IL1RAP: variants seen among roughly 807,000 people sequenced by gnomAD.
IL1RAP encodes interleukin 1 receptor accessory protein.
A neutral mutation model predicts 60.7 loss-of-function variants in IL1RAP; 35 were observed. The ratio of observed to expected loss-of-function variants is 0.58; its 90% CI spans 0.44 to 0.76. IL1RAP has a LOEUF of 0.76. Ranked by LOEUF, IL1RAP falls within the 30% of genes least tolerant of loss-of-function variation. The probability of loss-of-function intolerance (pLI) is 0.00; values close to 1 mark genes in which losing one functional copy is unlikely to be tolerated. For missense variants in IL1RAP, 572 were observed against 693.9 expected (o/e 0.82, Z 1.97); for synonymous variants, 268 against 250.9 (o/e 1.07, Z -0.64).
At chr3:190,631,305 G>T (rs527704863) in intron 9 of IL1RAP, among the ~76,000 whole-genome samples, 1 of 152,274 alleles carries the variant, frequency 6.6e-6, no homozygotes, top group South Asian at 2.1e-4. Flanking sequence ...TCAAAGCAAG[G>T]TGTAATGTAG....
In IL1RAP at chr3:190,623,387, T is replaced by C. The variant is rs762278305; in HGVS notation, c.747T>C (p.Asn249=). 28 of 1,613,300 alleles carry C rather than the reference T, an allele frequency of 1.7e-5. No homozygotes were observed. The highest frequency in any genetic ancestry group is 3.3e-4 in the Middle Eastern group (2 of 6,082). The change falls in exon 7 of 12, where the codon AAT becomes AAC. Residue 249 remains asparagine (N), a synonymous_variant. Transcript: ENST00000447382. ...NAVPPVIHSP[N]DHVVYEKEPG... ...TGCCCCCTGTGATCCATTCACCTAATGATCATGTGGTCTATGAGAAAGAAC... is the reference window on the plus strand; with the variant it reads ...TGCCCCCTGTGATCCATTCACCTAACGATCATGTGGTCTATGAGAAAGAAC...
At chr3:190,592,714 G>C (rs1729049626) in intron 3 of IL1RAP, among the ~76,000 whole-genome samples, 1 of 152,190 alleles carries the variant, frequency 6.6e-6, no homozygotes, top group Non-Finnish European at 1.5e-5. Flanking sequence ...GCTAGACTCT[G>C]AAAGACCCCA....
Position 190,604,246 on chromosome 3 carries a change from C to G in IL1RAP, c.183C>G (p.Ala61=). Residue 61 remains alanine (A), a synonymous_variant, in exon 4 of 12, where the codon GCC becomes GCG. Transcript: ENST00000447382. ...TCTTGAAATTCAACTACAGCACAGC[C>G]CATTCAGCTGGCCTTACTCTGATCT... ...EHFLKFNYST[A]HSAGLTLIWY... is the part of the protein sequence containing the mutation. 1 of 1,614,028 alleles carries G rather than the reference C, an allele frequency of 6.2e-7. No homozygotes were observed. The highest frequency in any genetic ancestry group is 8.5e-7 in the Non-Finnish European group (1 of 1,180,000).
At chr3:190,525,168 C>T (rs1027331268) in intron 1 of IL1RAP, among the ~76,000 whole-genome samples, 1 of 151,962 alleles carries the variant, frequency 6.6e-6, no homozygotes, top group African/African-American at 2.4e-5. Context: ...CAAGAGACAA[C>T]AGACAAACAG....
chr3:190,594,052 T>C (rs1439611386), intron 3 of IL1RAP, among the ~76,000 whole-genome samples: 1 of 152,246 alleles, frequency 6.6e-6, no homozygotes, highest in African/African-American at 2.4e-5. Flanking sequence ...AAAACCATTG[T>C]TATCAGTGAA....
chr3:190,556,588 C>T (rs1725448860), intron 2 of IL1RAP, among the ~76,000 whole-genome samples: 1 of 152,112 alleles, frequency 6.6e-6, no homozygotes, highest in Admixed American at 6.5e-5. Flanking sequence ...TCACAGTAAT[C>T]TTGGCTTTTC....
chr3:190,634,642 A>G (rs758533822), intron 9 of IL1RAP, among the ~76,000 whole-genome samples: 4 of 151,262 alleles, frequency 2.6e-5, no homozygotes, highest in East Asian at 1.9e-4. Flanking sequence ...GTGAAAGCCT[A>G]TGGGTAAAAC....
At chr3:190,570,909 A>G (rs556302559) in intron 3 of IL1RAP, among the ~76,000 whole-genome samples, 1 of 152,088 alleles carries the variant, frequency 6.6e-6, no homozygotes, top group Non-Finnish European at 1.5e-5. Context: ...TGATATGTGC[A>G]CCAAGATACT....
intron 3 of IL1RAP, among the ~76,000 whole-genome samples, chr3:190,569,783 CT>C (rs1726756381): frequency 6.6e-6 from 1 of 152,098 alleles, no homozygotes; most frequent in African/African-American, 2.4e-5. Flanking sequence ...TGACCTGGTT[CT>C]TTTTCACATG....
At chr3:190,571,610 A>G (rs1726932054) in intron 3 of IL1RAP, among the ~76,000 whole-genome samples, 2 of 152,244 alleles carry the variant, frequency 1.3e-5, no homozygotes, top group South Asian at 2.1e-4. Context: ...CATATGTAAA[A>G]TGACATTTCG....
At chr3:190,648,317 C>T (rs1734180909) in intron 11 of IL1RAP, 21 bp from the exon 12 acceptor site, 3 of 1,557,272 alleles carry the variant, frequency 1.9e-6, no homozygotes, top group Non-Finnish European at 2.6e-6. Context: ...CACTAATCCC[C>T]ATGGTTGTTT....
At chr3:190,570,796 C>T (rs564495042) in intron 3 of IL1RAP, among the ~76,000 whole-genome samples, 3 of 152,138 alleles carry the variant, frequency 2.0e-5, no homozygotes, top group South Asian at 2.1e-4. Context: ...GAACTCCTGA[C>T]CTCAGGTGAT....
intron 9 of IL1RAP, among the ~76,000 whole-genome samples, chr3:190,639,106 G>A (rs1312071965): frequency 2.0e-5 from 3 of 152,076 alleles, no homozygotes; most frequent in Non-Finnish European, 2.9e-5. Flanking sequence ...TGTCCTTTGT[G>A]TGTGTGTGTT....
chr3:190,550,072 G>A (rs73886473), intron 1 of IL1RAP, among the ~76,000 whole-genome samples: 1,661 of 152,194 alleles, frequency 0.011, 33 homozygotes, highest in African/African-American at 0.038. Context: ...GGCACGTGCC[G>A]CCCATGGTTG....
intron 1 of IL1RAP, among the ~76,000 whole-genome samples, chr3:190,542,931 C>T (rs1302556378): frequency 1.4e-5 from 2 of 146,478 alleles, no homozygotes; most frequent in Non-Finnish European, 1.5e-5. Context: ...GGGAGTTCAC[C>T]CTAGCCAAAA....
chr3:190,572,859 G>GTTTTTTTTTTT lies in IL1RAP; in HGVS notation c.64+8518_64+8528dup, dbSNP rs1200775636. ...TCAGCATGTCCAGGGTTAATGCTTT[G>GTTTTTTTTTTT]TTTTTTTTTTTTTTTTTTTTTTGAG... On this transcript the variant is annotated intron_variant, in intron 3 of 11. Coordinates refer to ENST00000447382, the MANE Select transcript of IL1RAP (RefSeq NM_002182.4). Among the ~76,000 whole-genome samples, 79 of 39,044 alleles carry GTTTTTTTTTTT rather than the reference G, an allele frequency of 2.0e-3. 19 individuals are homozygous for GTTTTTTTTTTT. The highest frequency in any genetic ancestry group is 5.9e-3 in the East Asian group (9 of 1,518). 25.6% of individuals were successfully genotyped at this position (39,044 alleles called of 152,430 possible).
chr3:190,619,926 C>A (rs1274128761), intron 5 of IL1RAP, among the ~76,000 whole-genome samples: 1 of 152,082 alleles, frequency 6.6e-6, no homozygotes, highest in Non-Finnish European at 1.5e-5. Flanking sequence ...TTCTAAATAG[C>A]AGGTCTTGCA....
downstream of IL1RAP, chr3:190,656,434 A>G: frequency 1.8e-5 from 27 of 1,537,202 alleles, no homozygotes; most frequent in Non-Finnish European, 2.4e-5. Context: ...CCGGGCAGAG[A>G]TTCATAACCA....
chr3:190,623,965 CT>C (rs1732008145), intron 7 of IL1RAP, among the ~76,000 whole-genome samples: 1 of 152,186 alleles, frequency 6.6e-6, no homozygotes, highest in Admixed American at 6.5e-5. Flanking sequence ...ACATGTTACT[CT>C]TTTGACTCAA....
Sources: gnomAD v4.1 joint callset for allele counts (sites outside exome capture counted in the v4.1 genomes callset) on GRCh38, gnomAD v4.1.1 for gene constraint, MANE v1.5 for transcripts, NCBI Gene and HGNC (gene_info 2026-07-23, HGNC 2026-07-21) for gene names.